Variants in C8orf34 observed in about 807,000 individuals in gnomAD.
The protein encoded by C8orf34 is chromosome 8 open reading frame 34.
C8orf34 carries 65 observed loss-of-function variants against 68.3 expected under a neutral mutation model. The observed-to-expected ratio is 0.95, with a 90% confidence interval of 0.78 to 1.17. The LOEUF (loss-of-function observed/expected upper bound fraction) is 1.17, where lower values mean the gene tolerates loss of function less well. C8orf34 is among the 50% of genes most tolerant of loss of function. The pLI is 0.00. For missense variants in C8orf34, 664 were observed against 655.4 expected, an observed-to-expected ratio of 1.01 and a Z score of -0.14; for synonymous variants, 244 against 241.2, an observed-to-expected ratio of 1.01 and a Z score of -0.11.
intron 9 of C8orf34, among the ~76,000 whole-genome samples, chr8:68,712,521 A>C (rs1188524536): frequency 1.3e-5 from 2 of 152,214 alleles, no homozygotes; most frequent in African/African-American, 4.8e-5. Flanking sequence ...ATGGACACCA[A>C]AAGTGAGCAG....
intron 12 of C8orf34, chr8:68,791,018 T>C: frequency 1.7e-6 from 1 of 595,136 alleles, no homozygotes; most frequent in Non-Finnish European, 3.0e-6. Flanking sequence ...TAAATAAGTT[T>C]GAATATAAAA....
chr8:68,503,513 C>T (rs1813867980), intron 5 of C8orf34, among the ~76,000 whole-genome samples: 1 of 151,614 alleles, frequency 6.6e-6, no homozygotes, highest in South Asian at 2.1e-4. Context: ...TGAACATTTT[C>T]ATAATAAAGA....
chr8:68,684,797 AT>A (rs993375561), intron 8 of C8orf34, among the ~76,000 whole-genome samples: 10 of 151,440 alleles, frequency 6.6e-5, no homozygotes, highest in African/African-American at 2.4e-4. Context: ...AAAAAAAAAT[AT>A]TTTTTTTAAA....
chr8:68,565,471 T>G (rs1273341151), intron 7 of C8orf34, among the ~76,000 whole-genome samples: 2 of 152,064 alleles, frequency 1.3e-5, no homozygotes, highest in East Asian at 3.9e-4. Context: ...TTTTCACCCC[T>G]GTTTCCAAGG....
chr8:68,421,596 C>A (rs1357499393), intron 1 of C8orf34, among the ~76,000 whole-genome samples: 2 of 152,128 alleles, frequency 1.3e-5, no homozygotes, highest in Admixed American at 1.3e-4. Flanking sequence ...CTAGGCTACT[C>A]AGCCCCTTCT....
intron 10 of C8orf34, among the ~76,000 whole-genome samples, chr8:68,752,262 T>G (rs1389463832): frequency 6.6e-6 from 1 of 152,212 alleles, no homozygotes; most frequent in African/African-American, 2.4e-5. Flanking sequence ...CTCATTAAAT[T>G]AAATTTCCCT....
chr8:68,544,272 A>C (rs1008404162), intron 7 of C8orf34, among the ~76,000 whole-genome samples: 1 of 152,200 alleles, frequency 6.6e-6, no homozygotes, highest in Non-Finnish European at 1.5e-5. Flanking sequence ...CTGAGCTGGG[A>C]CACATCGTAG....
intron 1 of C8orf34, among the ~76,000 whole-genome samples, chr8:68,388,843 A>G (rs1156237992): frequency 6.6e-6 from 1 of 152,108 alleles, no homozygotes; most frequent in Non-Finnish European, 1.5e-5. Context: ...CAAAATTTGC[A>G]TTTCTGTTTC....
At chr8:68,661,758 AT>A (rs1819686116) in intron 8 of C8orf34, among the ~76,000 whole-genome samples, 1 of 151,950 alleles carries the variant, frequency 6.6e-6, no homozygotes, top group Non-Finnish European at 1.5e-5. Flanking sequence ...TCTGCAAAAA[AT>A]ATCTGGTGTA....
intron 8 of C8orf34, among the ~76,000 whole-genome samples, chr8:68,661,233 C>G (rs1206262469): frequency 6.6e-6 from 1 of 152,232 alleles, no homozygotes; most frequent in Non-Finnish European, 1.5e-5. Flanking sequence ...GTCTCTGCAG[C>G]TGTACCATTC....
At chr8:68,743,909 G>A (rs1025004017) in intron 10 of C8orf34, among the ~76,000 whole-genome samples, 1 of 152,224 alleles carries the variant, frequency 6.6e-6, no homozygotes, top group African/African-American at 2.4e-5. Flanking sequence ...GCCTGCCTCT[G>A]TAGGCTCCAC....
At chr8:68,699,225 T>C (rs922850145) in intron 8 of C8orf34, among the ~76,000 whole-genome samples, 7 of 150,918 alleles carry the variant, frequency 4.6e-5, no homozygotes, top group African/African-American at 1.5e-4. Context: ...TCCATTTAGA[T>C]TGGTTTTTTA....
chr8:68,784,896 G>A (rs1296363600), intron 11 of C8orf34, among the ~76,000 whole-genome samples: 2 of 151,914 alleles, frequency 1.3e-5, no homozygotes, highest in Admixed American at 6.6e-5. Context: ...TCCTCCCTCA[G>A]TCCTAGGGAG....
intron 8 of C8orf34, among the ~76,000 whole-genome samples, chr8:68,655,239 T>C (rs10504431): frequency 0.12 from 17,737 of 152,212 alleles, 1,359 homozygotes; most frequent in Middle Eastern, 0.23. Flanking sequence ...ATAATCATAT[T>C]ACATGCCCAC....
intron 8 of C8orf34, among the ~76,000 whole-genome samples, chr8:68,697,566 T>C (rs1307899323): frequency 1.3e-5 from 2 of 152,096 alleles, no homozygotes; most frequent in Non-Finnish European, 2.9e-5. Context: ...TTGCTAGTCA[T>C]CCCTAATGTT....
At chr8:68,570,825 G>T (rs1205288438) in intron 7 of C8orf34, among the ~76,000 whole-genome samples, 1 of 152,130 alleles carries the variant, frequency 6.6e-6, no homozygotes, top group Non-Finnish European at 1.5e-5. Flanking sequence ...ATTAAGGTAC[G>T]AGAAGCACCA....
chr8:68,671,578 G>A (rs1820011738), intron 8 of C8orf34, among the ~76,000 whole-genome samples: 2 of 152,158 alleles, frequency 1.3e-5, no homozygotes, highest in African/African-American at 4.8e-5. Flanking sequence ...GAATTCAGAA[G>A]AGCCCACATT....
intron 6 of C8orf34, among the ~76,000 whole-genome samples, chr8:68,530,987 C>T (rs1053227847): frequency 6.6e-6 from 1 of 152,040 alleles, no homozygotes; most frequent in Non-Finnish European, 1.5e-5. Flanking sequence ...CACATACCCT[C>T]CACCTGTATT....
upstream of C8orf34, chr8:68,330,835 A>G: frequency 1.9e-6 from 1 of 526,212 alleles, no homozygotes; most frequent in Non-Finnish European, 3.2e-6. Flanking sequence ...ACCGGTGGCG[A>G]GTTCGAGCCC....
Sources: allele counts gnomAD v4.1 joint callset (sites outside exome capture counted in the v4.1 genomes callset), GRCh38; gene constraint gnomAD v4.1.1; transcripts MANE v1.5; gene names NCBI Gene and HGNC (gene_info 2026-07-23, HGNC 2026-07-21).